Variants in PCDHGB1 observed in about 807,000 individuals in gnomAD.
The protein encoded by PCDHGB1 is protocadherin gamma-B1.
PCDHGB1 carries 34 observed loss-of-function variants against 56.6 expected under a neutral mutation model. That is an observed-to-expected ratio of 0.60 (90% CI 0.46 to 0.80). The LOEUF (loss-of-function observed/expected upper bound fraction) is 0.80. Among genes scored for constraint, PCDHGB1 ranks in the 30% least tolerant of loss-of-function variants. PCDHGB1 has a pLI of 0.00. For synonymous variants in PCDHGB1, 561 were observed against 505.9 expected (o/e 1.11, Z -1.46); for missense variants, 1,278 against 1,204.6 (o/e 1.06, Z -0.90).
chr5:141,355,197 T>G (rs1759751524), intron 1 of PCDHGB1: 1 of 1,596,530 alleles, frequency 6.3e-7, no homozygotes, highest in African/African-American at 1.3e-5. Context: ...GCGGCGGGGT[T>G]GTAATGGCGG....
At position 141,405,128 on chromosome 5, in the gene PCDHGB1, C is replaced by T. The variant is rs373084923; in HGVS notation, c.2409+52459C>T. On this transcript the variant is annotated intron_variant, in intron 1 of 3. Transcript: ENST00000523390. ...GCACTGGCACTCCTCGCATCTGCTG[C>T]GGGCTACCAGTGATGGGTTGGCTGG... is the stretch of plus-strand genomic sequence containing the variant. The T allele has an allele frequency of 4.8e-5, 78 of 1,614,002 alleles. No individual in the cohort carries two copies. The highest frequency in any genetic ancestry group is 2.8e-4 in the African/African-American group (21 of 75,052).
In PCDHGB1 at chr5:141,477,963, A is replaced by C; in HGVS notation, c.2410-16844A>C. ...TACAGTCTCTTGGGATCCCCTAACC[A>C]GAGCCTTTTTGCCATAGGGCTGCAC... On this transcript the variant is annotated intron_variant, in intron 1 of 3. Coordinates refer to ENST00000523390, the MANE Select transcript of PCDHGB1 (RefSeq NM_018922.3). The surrounding 1 kb of genome is among the most constrained non-coding windows in gnomAD (Gnocchi z 4.9). The C allele has an allele frequency of 1.2e-6, 2 of 1,614,118 alleles. No individual in the cohort carries two copies. The highest frequency in any genetic ancestry group is 1.7e-6 in the Non-Finnish European group (2 of 1,180,024).
Position 141,350,257 on chromosome 5 carries a change from T to A in PCDHGB1, c.-4T>A, listed in dbSNP as rs1295049425. 6.6e-7 allele frequency: 1 copy of A among 1,509,952 alleles called. No homozygotes were observed. Among genetic ancestry groups the A allele is most frequent in the Non-Finnish European group, 8.8e-7 (1 of 1,131,378 alleles). 93.5% of individuals were successfully genotyped at this position (1,509,952 alleles called of 1,614,324 possible). A position where few individuals can be genotyped will look rare whatever the true frequency, so the allele number is the denominator to read the frequency against. On this transcript the variant is annotated 5_prime_UTR_variant, in exon 1 of 4. Coordinates refer to ENST00000523390, the MANE Select transcript of PCDHGB1 (RefSeq NM_018922.3). ...GGAAAGAAGCTCCGCGGAGAGTTCC[T>A]GAAATGCAGAGAGCCAGAGAAGCCG...
chr5:141,355,804 C>T (rs866252857), intron 1 of PCDHGB1: 3 of 1,613,238 alleles, frequency 1.9e-6, no homozygotes, highest in African/African-American at 1.3e-5. Flanking sequence ...CGCTCTAGAT[C>T]GCGAGGAAGA....
chr5:141,371,335 G>A (rs374653658), intron 1 of PCDHGB1: 21 of 1,613,940 alleles, frequency 1.3e-5, no homozygotes, highest in Non-Finnish European at 1.8e-5. Context: ...GAGAGAGATA[G>A]CTACACAATT....
At chr5:141,474,215 A>G (rs1393533136) in intron 1 of PCDHGB1, among the ~76,000 whole-genome samples, 1 of 152,216 alleles carries the variant, frequency 6.6e-6, no homozygotes, top group East Asian at 1.9e-4. Context: ...CAAAAACCAG[A>G]TTGTGAATTA....
chr5:141,410,311 C>T lies in PCDHGB1; in HGVS notation c.2409+57642C>T, dbSNP rs867067555. On this transcript the variant is annotated intron_variant, in intron 1 of 3. Coordinates refer to ENST00000523390, the MANE Select transcript of PCDHGB1 (RefSeq NM_018922.3). ...CCTTGGCCTTAATCTCAGTGCTCTT[C>T]CTCCTCGCCGTGATTCTGGCCATTG... 4 of 1,613,936 alleles carry T rather than the reference C, an allele frequency of 2.5e-6. No homozygotes were observed. In the African/African-American group the frequency reaches 5.3e-5, roughly 22 times the overall value.
chr5:141,439,830 C>T (rs2098134193), intron 1 of PCDHGB1: 1 of 152,352 alleles, frequency 6.6e-6, no homozygotes, highest in South Asian at 2.1e-4. Context: ...GCTGGAGCAG[C>T]AGCAACTCTA....
Position 141,494,692 on chromosome 5 carries a change from C to T in PCDHGB1, c.2410-115C>T. On this transcript the variant is annotated intron_variant, in intron 1 of 3. Coordinates refer to ENST00000523390, the MANE Select transcript of PCDHGB1 (RefSeq NM_018922.3). ...AGTCCACCCCTGCCCCCTCTTAGTC[C>T]GTTTTCTTCTCTGTGCCCACTCCCC... 2.5e-6 allele frequency: 4 copies of T among 1,581,934 alleles called. No individual in the cohort carries two copies. In the African/African-American group the frequency reaches 4.0e-5, roughly 16 times the overall value.
chr5:141,374,484 TAAAGG>T, intron 1 of PCDHGB1: 1 of 1,611,588 alleles, frequency 6.2e-7, no homozygotes, highest in Non-Finnish European at 8.5e-7. Flanking sequence ...CCCCGATTCT[TAAAGG>T]AAGAATTGGA....
chr5:141,449,876 C>G (rs924666805), intron 1 of PCDHGB1, among the ~76,000 whole-genome samples: 2 of 151,724 alleles, frequency 1.3e-5, no homozygotes, highest in Non-Finnish European at 2.9e-5. Flanking sequence ...AATTTAACAT[C>G]AATGCAATAT....
chr5:141,366,540 C>G, intron 1 of PCDHGB1: 1 of 1,614,260 alleles, frequency 6.2e-7, no homozygotes, highest in Non-Finnish European at 8.5e-7. Flanking sequence ...GGTGTGCCCG[C>G]CTCGCACTTT....
At chr5:141,467,455 GCTAGTA>G (rs2099144342) in intron 1 of PCDHGB1, among the ~76,000 whole-genome samples, 1 of 152,192 alleles carries the variant, frequency 6.6e-6, no homozygotes, top group African/African-American at 2.4e-5. Context: ...TTCTTCCAGT[GCTAGTA>G]CTTGCATGGT....
chr5:141,410,530 T>C (rs1400165380), intron 1 of PCDHGB1: 1 of 1,613,956 alleles, frequency 6.2e-7, no homozygotes, highest in South Asian at 1.1e-5. Context: ...TACATTCCAA[T>C]GAAGACATGG....
In PCDHGB1 at chr5:141,485,178, T is replaced by A; in HGVS notation, c.2410-9629T>A. The stretch of plus-strand genomic sequence containing the variant: ...GAGAATTAGCGGGCGGCAGCAATGC[T>A]CCGCAAGGTGAGAAGCTGGACAGAA... On this transcript the variant is annotated intron_variant, in intron 1 of 3. Transcript: ENST00000523390. This position sits in a 1 kb window ranked among gnomAD's most constrained non-coding sequence, Gnocchi z 5.7. 1.2e-6 allele frequency: 2 copies of A among 1,612,400 alleles called. No homozygotes were observed. Among genetic ancestry groups the A allele is most frequent in the Non-Finnish European group, 1.7e-6 (2 of 1,178,628 alleles).
At chr5:141,478,467 G>T (rs2099457769) in intron 1 of PCDHGB1, 1 of 1,613,656 alleles carries the variant, frequency 6.2e-7, no homozygotes, top group South Asian at 1.1e-5. Flanking sequence ...CCACTGGCCA[G>T]CCGCCAGAAC....
At chr5:141,408,702 T>C (rs769871063) in intron 1 of PCDHGB1, 6 of 1,613,208 alleles carry the variant, frequency 3.7e-6, no homozygotes, top group South Asian at 3.3e-5. Flanking sequence ...ATAAACTCAA[T>C]TAAAGATTAT....
rs1236074950 is a variant in PCDHGB1 at position 141,489,119 on chromosome 5, C to G, written c.2410-5688C>G. On this transcript the variant is annotated intron_variant, in intron 1 of 3. Transcript: ENST00000523390. This position sits in a 1 kb window ranked among gnomAD's most constrained non-coding sequence, Gnocchi z 4.5. ...GAACTGCTGCAAGCAGGCAAACCTC[C>G]GAGCAGTTTTTAAGAGGCTGGAAGG... The G allele has an allele frequency of 1.5e-6, 1 of 650,358 alleles. No individual in the cohort carries two copies. Among genetic ancestry groups the G allele is most frequent in the Non-Finnish European group, 2.5e-6 (1 of 400,690 alleles). The allele number at this position is 650,358 out of a possible 1,614,324, so 40.3% of individuals were successfully genotyped here. A position where few individuals can be genotyped will look rare whatever the true frequency, so the allele number is the denominator to read the frequency against.
At chr5:141,406,072 CTT>C (rs530474569) in intron 1 of PCDHGB1, among the ~76,000 whole-genome samples, 69 of 141,430 alleles carry the variant, frequency 4.9e-4, no homozygotes, top group African/African-American at 9.6e-4. Flanking sequence ...ATTCTTACTC[CTT>C]TTTTTTTTTT....
Sources: allele counts gnomAD v4.1 joint callset (sites outside exome capture counted in the v4.1 genomes callset), GRCh38; gene constraint gnomAD v4.1.1; non-coding constraint Gnocchi (gnomAD v3.1); transcripts MANE v1.5; gene names NCBI Gene and HGNC (gene_info 2026-07-23, HGNC 2026-07-21).